NEO1: variants seen among roughly 807,000 people sequenced by gnomAD.
NEO1 encodes neogenin 1.
NEO1 carries 63 observed loss-of-function variants against 159.7 expected under a neutral mutation model. That is an observed-to-expected ratio of 0.39 (90% CI 0.32 to 0.49). The LOEUF (loss-of-function observed/expected upper bound fraction) is 0.49, where lower values mean the gene tolerates loss of function less well. Among genes scored for constraint, NEO1 ranks in the 20% least tolerant of loss-of-function variants. The probability of loss-of-function intolerance (pLI) is 0.85; values close to 1 mark genes in which losing one functional copy is unlikely to be tolerated. For missense variants in NEO1, 1,615 were observed against 1,831.0 expected, an observed-to-expected ratio of 0.88 and a Z score of 2.15; for synonymous variants, 633 against 662.0, an observed-to-expected ratio of 0.96 and a Z score of 0.67.
chr15:73,116,214 T>C (rs1204500018), intron 1 of NEO1, among the ~76,000 whole-genome samples: 1 of 152,194 alleles, frequency 6.6e-6, no homozygotes, highest in Non-Finnish European at 1.5e-5. Flanking sequence ...AATTTCACTT[T>C]GAATGCAGTA....
intron 1 of NEO1, among the ~76,000 whole-genome samples, chr15:73,112,197 C>G (rs2151584527): frequency 6.6e-6 from 1 of 152,032 alleles, no homozygotes; most frequent in South Asian, 2.1e-4. Context: ...AAATGTAGCC[C>G]ACTCATTTTT....
intron 16 of NEO1, 74 bp from the exon 17 acceptor site, chr15:73,269,936 C>T: frequency 8.6e-7 from 1 of 1,160,998 alleles, no homozygotes; most frequent in African/African-American, 1.5e-5. Flanking sequence ...ATTATATTAC[C>T]CTGCATTTCC....
intron 4 of NEO1, among the ~76,000 whole-genome samples, chr15:73,129,547 G>T (rs1383545043): frequency 1.3e-5 from 2 of 152,134 alleles, no homozygotes; most frequent in Non-Finnish European, 2.9e-5. Context: ...AATTTGTTCA[G>T]ATTTACAATA....
upstream of NEO1, among the ~76,000 whole-genome samples, chr15:73,052,316 C>T (rs1369442803): frequency 2.1e-5 from 3 of 145,508 alleles, no homozygotes; most frequent in Non-Finnish European, 3.1e-5. Context: ...CCCGCCCCCG[C>T]CCCCGCCGTC....
chr15:73,250,656 T>A (rs970420546), intron 11 of NEO1, among the ~76,000 whole-genome samples: 2 of 152,154 alleles, frequency 1.3e-5, no homozygotes, highest in African/African-American at 2.4e-5. Flanking sequence ...GCAAAAAAAA[T>A]TTTTATTTTA....
intron 1 of NEO1, among the ~76,000 whole-genome samples, chr15:73,068,037 T>A (rs899059974): frequency 2.0e-5 from 3 of 152,132 alleles, no homozygotes; most frequent in African/African-American, 7.2e-5. Context: ...CCTAGATTAT[T>A]GGTTTAACAG....
At chr15:73,113,828 G>C (rs1288834120) in intron 1 of NEO1, among the ~76,000 whole-genome samples, 1 of 151,844 alleles carries the variant, frequency 6.6e-6, no homozygotes, top group Non-Finnish European at 1.5e-5. Flanking sequence ...TTTTCAGTTT[G>C]CATGTATTAT....
chr15:73,174,528 G>A (rs569902193), intron 5 of NEO1, among the ~76,000 whole-genome samples: 1 of 152,126 alleles, frequency 6.6e-6, no homozygotes, highest in African/African-American at 2.4e-5. Context: ...TTACAGGAGG[G>A]TGATCATTAT....
At chr15:73,148,752 A>G (rs929529594) in intron 5 of NEO1, among the ~76,000 whole-genome samples, 1 of 152,152 alleles carries the variant, frequency 6.6e-6, no homozygotes, top group Non-Finnish European at 1.5e-5. Flanking sequence ...AAATTATTCT[A>G]CTTTTTCCCA....
chr15:73,294,174 C>G (rs62015483), intron 26 of NEO1, among the ~76,000 whole-genome samples: 3,234 of 152,266 alleles, frequency 0.021, 75 homozygotes, highest in Non-Finnish European at 0.03. Context: ...CGTTGCTAGA[C>G]AAACATGTCC....
chr15:73,204,448 C>G (rs1405406380), intron 7 of NEO1, among the ~76,000 whole-genome samples: 6 of 151,976 alleles, frequency 3.9e-5, no homozygotes, highest in Non-Finnish European at 7.4e-5. Context: ...GATAATGCCC[C>G]ATGATTTTGG....
At chr15:73,241,129 G>A (rs1447206335) in intron 8 of NEO1, among the ~76,000 whole-genome samples, 1 of 152,184 alleles carries the variant, frequency 6.6e-6, no homozygotes, top group African/African-American at 2.4e-5. Context: ...TGAGTTGCCA[G>A]AGATTTCAGA....
chr15:73,302,652 C>G lies in NEO1; in HGVS notation c.4342C>G (p.Leu1448Val), dbSNP rs764502258. Reference protein sequence around the residue: ...PDELTKEMAHLEGLMKDLNAI... With the variant: ...PDELTKEMAHVEGLMKDLNAI... The stretch of plus-strand genomic sequence containing the variant: ...TGAGCTGACCAAAGAGATGGCCCAC[C>G]TGGAAGGACTAATGAAGGACCTAAA... Residue 1448 changes from leucine to valine, a missense_variant, in exon 29 of 29, where the codon CTG becomes GTG. Transcript: ENST00000261908. 13 of 1,614,000 alleles carry G rather than the reference C, an allele frequency of 8.1e-6. No homozygotes were observed. The highest frequency in any genetic ancestry group is 9.3e-6 in the Non-Finnish European group (11 of 1,179,986).
chr15:73,094,431 G>A (rs1352684840), intron 1 of NEO1, among the ~76,000 whole-genome samples: 3 of 152,112 alleles, frequency 2.0e-5, no homozygotes, highest in Non-Finnish European at 2.9e-5. Flanking sequence ...TAACTTCATT[G>A]TCTGGATATA....
At chr15:73,177,118 T>G (rs992658942) in intron 6 of NEO1, among the ~76,000 whole-genome samples, 8 of 152,206 alleles carry the variant, frequency 5.3e-5, no homozygotes, top group African/African-American at 1.9e-4. Context: ...AAAATGCATT[T>G]AAAAAGTGTC....
At chr15:73,187,498 T>TA (rs767964742) in intron 7 of NEO1, among the ~76,000 whole-genome samples, 1 of 152,188 alleles carries the variant, frequency 6.6e-6, no homozygotes, top group Admixed American at 6.6e-5. Flanking sequence ...GGCTGAAAGA[T>TA]ACGTATCATG....
chr15:73,237,359 T>G (rs1596442598), intron 8 of NEO1, among the ~76,000 whole-genome samples: 1 of 152,356 alleles, frequency 6.6e-6, no homozygotes, highest in East Asian at 1.9e-4. Flanking sequence ...TTATGTTCTA[T>G]GTATTTGTGC....
intron 1 of NEO1, among the ~76,000 whole-genome samples, chr15:73,066,353 C>T (rs1160548404): frequency 1.5e-5 from 2 of 134,646 alleles, no homozygotes; most frequent in African/African-American, 2.8e-5. Flanking sequence ...AAATAGTTTG[C>T]AGGTCTCTGC....
chr15:73,180,601 A>G (rs1434668631), intron 7 of NEO1, among the ~76,000 whole-genome samples: 4 of 152,178 alleles, frequency 2.6e-5, no homozygotes, highest in African/African-American at 9.7e-5. Context: ...ACTTCATTAT[A>G]TTTGTGTTTG....
Sources: gnomAD v4.1 joint callset for allele counts (sites outside exome capture counted in the v4.1 genomes callset) on GRCh38, gnomAD v4.1.1 for gene constraint, MANE v1.5 for transcripts, NCBI Gene and HGNC (gene_info 2026-07-23, HGNC 2026-07-21) for gene names.